NRG1: variants seen among roughly 807,000 people sequenced by gnomAD.
The protein encoded by NRG1 is neuregulin 1.
NRG1 carries 18 observed loss-of-function variants against 63.8 expected under a neutral mutation model. The ratio of observed to expected loss-of-function variants is 0.28; its 90% CI spans 0.19 to 0.42. The LOEUF is 0.42. NRG1 is among the 10% of genes least tolerant of loss of function. The pLI is 1.00. For synonymous variants in NRG1, 302 were observed against 301.3 expected (o/e 1.00, Z -0.02); for missense variants, 762 against 814.7 (o/e 0.94, Z 0.79).
chr8:32,077,603 T>C (rs571848676), intron 1 of NRG1, among the ~76,000 whole-genome samples: 1 of 152,306 alleles, frequency 6.6e-6, no homozygotes, highest in African/African-American at 2.4e-5. Flanking sequence ...TTTGAAATTT[T>C]AAAAAACCTG....
intron 1 of NRG1, among the ~76,000 whole-genome samples, chr8:31,830,360 TCCC>T (rs1825012033): frequency 2.2e-5 from 1 of 46,020 alleles, no homozygotes; most frequent in Non-Finnish European, 4.0e-5. Flanking sequence ...CTTCCTTCCT[TCCC>T]TCCTTCCCTC....
chr8:31,813,529 T>TTTTTTTTTTTTTTTTTTTTTG (rs1554540804), intron 1 of NRG1, among the ~76,000 whole-genome samples: 1 of 140,680 alleles, frequency 7.1e-6, no homozygotes, highest in Non-Finnish European at 1.5e-5. Flanking sequence ...TTTTTTTTTT[T>TTTTTTTTTTTTTTTTTTTTTG]TTTTGTTTTT....
intron 1 of NRG1, among the ~76,000 whole-genome samples, chr8:31,711,341 A>G (rs1811721208): frequency 6.6e-6 from 1 of 152,184 alleles, no homozygotes; most frequent in Non-Finnish European, 1.5e-5. Context: ...CTAAAGGACA[A>G]CTTGACTCAA....
intron 1 of NRG1, among the ~76,000 whole-genome samples, chr8:32,397,745 C>T (rs1290625878): frequency 6.6e-6 from 1 of 152,172 alleles, no homozygotes; most frequent in East Asian, 1.9e-4. Flanking sequence ...CCCTCCTCTT[C>T]CCCAGCCAGC....
intron 1 of NRG1, among the ~76,000 whole-genome samples, chr8:31,657,093 A>G (rs1805500396): frequency 6.6e-6 from 1 of 152,172 alleles, no homozygotes; most frequent in Non-Finnish European, 1.5e-5. Flanking sequence ...TGCTGATTTG[A>G]TGCATTCATA....
At chr8:32,065,449 T>C (rs899938068) in intron 1 of NRG1, among the ~76,000 whole-genome samples, 7 of 152,004 alleles carry the variant, frequency 4.6e-5, no homozygotes, top group Admixed American at 1.3e-4. Context: ...TGAGAACATG[T>C]GGTGTTTGGT....
At chr8:32,053,048 A>G (rs567570578) in intron 1 of NRG1, among the ~76,000 whole-genome samples, 1 of 152,326 alleles carries the variant, frequency 6.6e-6, no homozygotes, top group South Asian at 2.1e-4. Context: ...AAAACCATTC[A>G]TTGGCTAAGG....
intron 1 of NRG1, among the ~76,000 whole-genome samples, chr8:31,770,925 A>G (rs1355791468): frequency 6.6e-6 from 1 of 152,104 alleles, no homozygotes; most frequent in Non-Finnish European, 1.5e-5. Flanking sequence ...TAACGTAATC[A>G]TAGCACAATT....
intron 5 of NRG1, among the ~76,000 whole-genome samples, chr8:32,724,196 G>A (rs549118590): frequency 2.0e-5 from 3 of 152,164 alleles, no homozygotes; most frequent in East Asian, 1.9e-4. Context: ...GTCAGATTTT[G>A]TAGTGTTTCT....
At chr8:32,605,310 G>T (rs1468482874) in intron 2 of NRG1, among the ~76,000 whole-genome samples, 1 of 152,106 alleles carries the variant, frequency 6.6e-6, no homozygotes, top group Non-Finnish European at 1.5e-5. Context: ...AACTACAGAA[G>T]AATTCCTTTA....
intron 1 of NRG1, among the ~76,000 whole-genome samples, chr8:32,084,476 T>C (rs1827936667): frequency 6.6e-6 from 1 of 152,222 alleles, no homozygotes; most frequent in Non-Finnish European, 1.5e-5. Flanking sequence ...TTGTGCCATC[T>C]ATACACAACC....
intron 1 of NRG1, among the ~76,000 whole-genome samples, chr8:32,446,539 C>T (rs974461305): frequency 1.3e-5 from 2 of 152,172 alleles, no homozygotes; most frequent in South Asian, 2.1e-4. Flanking sequence ...CCTGTAATCC[C>T]AGCTACTCAG....
rs952718327 is a variant in NRG1 at position 32,749,833 on chromosome 8, C to T, written c.692-4539C>T. 27 of 546,900 alleles carry T rather than the reference C, an allele frequency of 4.9e-5. 1 individual carries two copies. The highest frequency in any genetic ancestry group is 4.8e-4 in the African/African-American group (25 of 52,206). The allele number at this position is 546,900 out of a possible 1,614,324, so 33.9% of individuals were successfully genotyped here. ...GAGTTTAAAAGTACCCTACCTGCTG[C>T]AAATTCACATATATCCCACGCTGCT... On this transcript the variant is annotated intron_variant, in intron 7 of 11. Coordinates refer to ENST00000356819, the Ensembl canonical transcript of NRG1.
chr8:31,830,343 TTCCTTCCTTCCTTCCTTCCCTCCTTCCC>T (rs1313150888), intron 1 of NRG1, among the ~76,000 whole-genome samples: 3 of 126,224 alleles, frequency 2.4e-5, no homozygotes, highest in African/African-American at 6.2e-5. Context: ...CCTTCCTTCC[TTCCTTCCTTCCTTCCTTCCCTCCTTCCC>T]TCCTTCCCTC....
At chr8:32,310,212 G>T (rs556550316) in intron 1 of NRG1, among the ~76,000 whole-genome samples, 5 of 152,278 alleles carry the variant, frequency 3.3e-5, no homozygotes, top group African/African-American at 1.2e-4. Context: ...AATATATGAC[G>T]GTTTGGATCT....
intron 6 of NRG1, among the ~76,000 whole-genome samples, chr8:32,738,279 G>A (rs1207566902): frequency 6.6e-6 from 1 of 151,868 alleles, no homozygotes; most frequent in Non-Finnish European, 1.5e-5. Flanking sequence ...AAAGAGTGAT[G>A]CCTAAGTTCA....
chr8:32,558,841 G>A (rs1368281913), intron 1 of NRG1, among the ~76,000 whole-genome samples: 1 of 151,978 alleles, frequency 6.6e-6, no homozygotes, highest in Non-Finnish European at 1.5e-5. Flanking sequence ...AACACTTTGG[G>A]AAGCCAAAGT....
intron 1 of NRG1, among the ~76,000 whole-genome samples, chr8:31,977,723 A>T (rs1262031523): frequency 3.3e-5 from 5 of 152,168 alleles, no homozygotes; most frequent in Admixed American, 3.3e-4. Flanking sequence ...CTATGATGCT[A>T]ATTAGGAGGA....
intron 1 of NRG1, among the ~76,000 whole-genome samples, chr8:31,818,397 T>G (rs1823658180): frequency 6.6e-6 from 1 of 152,124 alleles, no homozygotes; most frequent in Non-Finnish European, 1.5e-5. Flanking sequence ...TACATGCTGG[T>G]GTATAGTCTA....
Sources: gnomAD v4.1 joint callset for allele counts (sites outside exome capture counted in the v4.1 genomes callset) on GRCh38, gnomAD v4.1.1 for gene constraint, MANE v1.5 for transcripts, NCBI Gene and HGNC (gene_info 2026-07-23, HGNC 2026-07-21) for gene names.